NADSYN1: variants seen among roughly 807,000 people sequenced by gnomAD.
NADSYN1 encodes the protein glutamine-dependent NAD(+) synthetase.
A neutral mutation model predicts 99.3 loss-of-function variants in NADSYN1; 80 were observed. The observed-to-expected ratio is 0.81, with a 90% CI of 0.67 to 0.97. The LOEUF is 0.97. NADSYN1 is among the 50% of genes least tolerant of loss of function. NADSYN1 has a pLI of 0.00. For missense variants in NADSYN1, 859 were observed against 948.5 expected (o/e 0.91, Z 1.24); for synonymous variants, 385 against 372.1 (o/e 1.03, Z -0.40).
intron 3 of NADSYN1, among the ~76,000 whole-genome samples, chr11:71,460,493 G>C (rs955252918): frequency 2.6e-5 from 4 of 152,142 alleles, no homozygotes; most frequent in African/African-American, 7.2e-5. Flanking sequence ...CGGGACTACA[G>C]GTGCACACCA....
intron 9 of NADSYN1, chr11:71,476,416 C>T (rs1949666099): frequency 3.2e-5 from 10 of 311,034 alleles, no homozygotes; most frequent in South Asian, 2.6e-4. Flanking sequence ...TTCCCATCCT[C>T]ATGATTCTGT....
chr11:71,484,520 GC>G, intron 15 of NADSYN1, 73 bp downstream of exon 15: 1 of 1,518,770 alleles, frequency 6.6e-7, no homozygotes, highest in Non-Finnish European at 8.8e-7. Context: ...TACAGGATGT[GC>G]AGGTGCCCCC....
chr11:71,498,927 TG>T (rs1949838762), intron 20 of NADSYN1: 1 of 157,586 alleles, frequency 6.3e-6, no homozygotes, highest in African/African-American at 2.4e-5. Flanking sequence ...TTACTTCTTT[TG>T]TGGCCTTTGA....
chr11:71,455,200 G>A lies in NADSYN1; in HGVS notation c.146+30G>A, dbSNP rs138071398. ...GAACAGACACAGACACCCTGGGGTC[G>A]TCAGCTAGCGATACCAGCATCAGTT... is the stretch of plus-strand genomic sequence containing the variant. On this transcript the variant is annotated intron_variant, in intron 2 of 20. Transcript: ENST00000319023. 6.8e-4 allele frequency: 1,067 copies of A among 1,575,972 alleles called. 2 individuals are homozygous for A. The highest frequency in any genetic ancestry group is 1.5e-3 in the Admixed American group (86 of 59,160).
Position 71,470,195 on chromosome 11 carries a change from C to A in NADSYN1, c.408-2254C>A, listed in dbSNP as rs560852380. Among the ~76,000 whole-genome samples, 150 of 152,316 alleles carry A rather than the reference C, an allele frequency of 9.8e-4. 1 individual carries two copies. Among genetic ancestry groups the A allele is most frequent in the African/African-American group, 3.5e-3 (147 of 41,584 alleles). ...CTGCCATGAGAACAGTATGGGGGAA[C>A]CTGCCCCATGATTCAATTATCTCCC... On this transcript the variant is annotated intron_variant, in intron 5 of 20. Transcript: ENST00000319023.
rs1477747986 is a variant in NADSYN1, at chr11:71,476,280, C to T, written c.798+1754C>T. The T allele has an allele frequency of 2.8e-5, 10 of 357,904 alleles. No individual in the cohort carries two copies. The East Asian group carries it at 3.0e-4, about 11-fold the overall frequency. 22.2% of individuals were successfully genotyped at this position (357,904 alleles called of 1,614,324 possible). A position where few individuals can be genotyped will look rare whatever the true frequency, so the allele number is the denominator to read the frequency against. ...ATGGGCATTAAAGCAGCGGATTCAC[C>T]GAGGCAGGCGGTAGCACCGGAGGCG... On this transcript the variant is annotated intron_variant, in intron 9 of 20. Transcript: ENST00000319023.
intron 9 of NADSYN1, chr11:71,474,954 G>T (rs1375013082): frequency 3.9e-6 from 1 of 256,668 alleles, no homozygotes; most frequent in Non-Finnish European, 7.8e-6. Context: ...GGAGGGCTCC[G>T]TGCCACGCAG....
intron 9 of NADSYN1, chr11:71,476,641 CATT>C: frequency 1.0e-6 from 1 of 986,032 alleles, no homozygotes; most frequent in Non-Finnish European, 1.2e-6. Context: ...TGCGCTTCAT[CATT>C]AACCGCGACA....
intron 10 of NADSYN1, chr11:71,479,512 C>T (rs1001077160): frequency 2.0e-5 from 3 of 152,140 alleles, no homozygotes; most frequent in Non-Finnish European, 4.4e-5. Context: ...ACAATCTTAG[C>T]GCATTTTCAT....
intron 5 of NADSYN1, among the ~76,000 whole-genome samples, chr11:71,470,637 C>CT (rs1949620691): frequency 6.6e-6 from 1 of 152,236 alleles, no homozygotes; most frequent in Non-Finnish European, 1.5e-5. Flanking sequence ...TGGGATGTCT[C>CT]TATTACTCCT....
chr11:71,482,674 G>A, intron 13 of NADSYN1, 175 bp from the exon 14 acceptor site: 1 of 543,952 alleles, frequency 1.8e-6, no homozygotes, highest in South Asian at 2.2e-5. Context: ...TGTAGACTGG[G>A]GTGGAGCCGC....
chr11:71,480,655 G>A (rs753771373), intron 10 of NADSYN1, 100 bp from the exon 11 acceptor site: 81 of 1,573,340 alleles, frequency 5.1e-5, no homozygotes, highest in South Asian at 1.1e-4. Context: ...TTTGACATGC[G>A]TTTCTGTGGC....
chr11:71,464,433 C>G, intron 5 of NADSYN1: 1 of 295,996 alleles, frequency 3.4e-6, no homozygotes, highest in East Asian at 6.7e-5. Context: ...GGCTTCCCAT[C>G]GGTTACTTGG....
At chr11:71,486,269 G>A (rs1949742273) in intron 16 of NADSYN1, among the ~76,000 whole-genome samples, 2 of 152,134 alleles carry the variant, frequency 1.3e-5, no homozygotes, top group Admixed American at 1.3e-4. Flanking sequence ...TTATTCATTT[G>A]TTTGTCTATG....
At chr11:71,481,887 A>T in intron 12 of NADSYN1, 36 bp from the exon 13 acceptor site, 1 of 1,586,536 alleles carries the variant, frequency 6.3e-7, no homozygotes, top group Non-Finnish European at 8.6e-7. Context: ...TGCTTCTCCG[A>T]GGCTCTGCTC....
Position 71,455,142 on chromosome 11 carries a change from T to C in NADSYN1, c.118T>C (p.Tyr40His). The C allele has an allele frequency of 6.2e-7, 1 of 1,614,128 alleles. No homozygotes were observed. The highest frequency in any genetic ancestry group is 8.5e-7 in the Non-Finnish European group (1 of 1,179,992). ...IEIAKNRGAR[Y>H]RLGPELEICG... ...AATTGCCAAAAACAGAGGAGCAAGA[T>C]ACAGGCTTGGACCAGAGCTGGAAAT... Residue 40 changes from tyrosine (Y) to histidine (H), a missense_variant, in exon 2 of 21, where the codon TAC (tyrosine) becomes CAC (histidine). Tyr to His is a moderately conservative substitution (Grantham distance 83, BLOSUM62 2). Coordinates refer to ENST00000319023, the MANE Select transcript of NADSYN1 (RefSeq NM_018161.5).
At chr11:71,473,468 C>T (rs1256686939) in intron 7 of NADSYN1, 101 bp from the exon 8 acceptor site, 1 of 1,531,578 alleles carries the variant, frequency 6.5e-7, no homozygotes, top group Non-Finnish European at 9.0e-7. Flanking sequence ...GTGGCCGTGG[C>T]CGTGGGCTGG....
rs148082607 is a variant in NADSYN1 at position 71,481,695 on chromosome 11, C to T, written c.1048-228C>T. On this transcript the variant is annotated intron_variant, in intron 12 of 20. Transcript: ENST00000319023. Reference sequence around the variant, plus strand: ...GTAATCATGCGTATCTGCAGTTCGTCGGTGGAGTCAGCCTCTGACACGCCC... The same window carrying T: ...GTAATCATGCGTATCTGCAGTTCGTTGGTGGAGTCAGCCTCTGACACGCCC... 591 of 601,440 alleles carry T rather than the reference C, an allele frequency of 9.8e-4. 3 individuals carry two copies. The highest frequency in any genetic ancestry group is 1.9e-3 in the African/African-American group (104 of 53,924). 37.3% of individuals were successfully genotyped at this position (601,440 alleles called of 1,614,324 possible). A position where few individuals can be genotyped will look rare whatever the true frequency, so the allele number is the denominator to read the frequency against.
At chr11:71,484,739 G>C (rs1260563129) in intron 15 of NADSYN1, 2 of 385,738 alleles carry the variant, frequency 5.2e-6, no homozygotes, top group Non-Finnish European at 9.8e-6. Flanking sequence ...GTGTGTGCAT[G>C]AGCCTGAGTG....
Sources: gnomAD v4.1 joint callset for allele counts (sites outside exome capture counted in the v4.1 genomes callset) on GRCh38, gnomAD v4.1.1 for gene constraint, MANE v1.5 for transcripts, NCBI Gene and HGNC (gene_info 2026-07-23, HGNC 2026-07-21) for gene names.